Variants in XYLT1 observed in about 807,000 individuals in gnomAD.
XYLT1 encodes the protein xylosyltransferase 1.
In XYLT1, 36 loss-of-function variants were observed where a neutral mutation model predicts 91.3. That is an observed-to-expected ratio of 0.39 (90% CI 0.30 to 0.52). The LOEUF (loss-of-function observed/expected upper bound fraction) is 0.52. XYLT1 is among the 20% of genes least tolerant of loss of function. The probability of loss-of-function intolerance (pLI) is 0.68; values close to 1 mark genes in which losing one functional copy is unlikely to be tolerated. For synonymous variants in XYLT1, 588 were observed against 532.0 expected (o/e 1.11, Z -1.45); for missense variants, 1,242 against 1,284.5 (o/e 0.97, Z 0.51).
chr16:17,139,225 G>A (rs2030887296), intron 7 of XYLT1, among the ~76,000 whole-genome samples: 1 of 152,202 alleles, frequency 6.6e-6, no homozygotes, highest in Admixed American at 6.5e-5. Context: ...ACAGTCCCAG[G>A]CAAATATATT....
intron 1 of XYLT1, among the ~76,000 whole-genome samples, chr16:17,435,337 A>T (rs1020101803): frequency 3.3e-5 from 5 of 152,180 alleles, no homozygotes; most frequent in African/African-American, 1.2e-4. Flanking sequence ...ACATAAAGCT[A>T]AAGGAAAGCC....
At chr16:17,287,351 G>T (rs1261689183) in intron 2 of XYLT1, among the ~76,000 whole-genome samples, 1 of 152,012 alleles carries the variant, frequency 6.6e-6, no homozygotes, top group Non-Finnish European at 1.5e-5. Flanking sequence ...AACGTAGACG[G>T]ATCCCTCTAG....
chr16:17,215,596 AT>A (rs1215352441), intron 3 of XYLT1, among the ~76,000 whole-genome samples: 7 of 152,054 alleles, frequency 4.6e-5, no homozygotes, highest in Non-Finnish European at 7.4e-5. Context: ...GTCTATGGTA[AT>A]TTTTTTTAAA....
chr16:17,123,214 C>A (rs756714653), intron 10 of XYLT1, among the ~76,000 whole-genome samples: 5 of 152,076 alleles, frequency 3.3e-5, no homozygotes, highest in African/African-American at 4.8e-5. Context: ...ATGAGCATGA[C>A]ATTTGCTTGT....
intron 1 of XYLT1, among the ~76,000 whole-genome samples, chr16:17,463,452 C>G (rs906197920): frequency 2.0e-5 from 3 of 152,058 alleles, no homozygotes; most frequent in African/African-American, 7.2e-5. Context: ...TACGAATGGC[C>G]AATGGATATA....
At chr16:17,325,188 A>C (rs935567287) in intron 2 of XYLT1, among the ~76,000 whole-genome samples, 5 of 152,146 alleles carry the variant, frequency 3.3e-5, no homozygotes, top group Admixed American at 2.0e-4. Flanking sequence ...GCCTGAGGTC[A>C]GGAGTTCGAG....
At chr16:17,160,370 C>G (rs1266982042) in intron 5 of XYLT1, among the ~76,000 whole-genome samples, 1 of 152,194 alleles carries the variant, frequency 6.6e-6, no homozygotes, top group Non-Finnish European at 1.5e-5. Context: ...CTGCTCACCC[C>G]CTCCTTCATT....
chr16:17,262,566 T>C (rs1270448632), intron 2 of XYLT1, among the ~76,000 whole-genome samples: 2 of 152,330 alleles, frequency 1.3e-5, no homozygotes, highest in East Asian at 1.9e-4. Context: ...TGAAAAATCA[T>C]TTCTGTTCCA....
chr16:17,220,877 C>T (rs944688496), intron 3 of XYLT1, among the ~76,000 whole-genome samples: 24 of 152,156 alleles, frequency 1.6e-4, no homozygotes, highest in Non-Finnish European at 2.4e-4. Flanking sequence ...GCAGAAAGTG[C>T]GCCTTTGCTT....
chr16:17,124,018 G>A (rs1258869426), intron 10 of XYLT1, among the ~76,000 whole-genome samples: 1 of 152,134 alleles, frequency 6.6e-6, no homozygotes, highest in Non-Finnish European at 1.5e-5. Flanking sequence ...TTAAGTTCAT[G>A]TGAGTCCTCA....
intron 3 of XYLT1, among the ~76,000 whole-genome samples, chr16:17,242,716 C>G (rs1434552174): frequency 3.9e-5 from 6 of 152,218 alleles, no homozygotes; most frequent in Non-Finnish European, 7.3e-5. Flanking sequence ...ATCTCCACAA[C>G]TTTTTCATTT....
intron 8 of XYLT1, among the ~76,000 whole-genome samples, chr16:17,138,083 T>C (rs2030817116): frequency 6.6e-6 from 1 of 152,200 alleles, no homozygotes; most frequent in African/African-American, 2.4e-5. Context: ...TTAACCTTTC[T>C]GTGCCTCACA....
At chr16:17,133,021 A>C (rs2030556102) in intron 9 of XYLT1, among the ~76,000 whole-genome samples, 1 of 152,250 alleles carries the variant, frequency 6.6e-6, no homozygotes, top group East Asian at 1.9e-4. Flanking sequence ...AGGAAACCGA[A>C]GCTCAGAGAG....
intron 1 of XYLT1, among the ~76,000 whole-genome samples, chr16:17,395,151 G>C (rs115341578): frequency 0.02 from 2,984 of 152,234 alleles, 95 homozygotes; most frequent in African/African-American, 0.067. Flanking sequence ...AGAGTGAAGG[G>C]GGAACTGCCA....
chr16:17,117,773 G>C lies in XYLT1; in HGVS notation c.2430C>G (p.Pro810=). The C allele has an allele frequency of 6.2e-7, 1 of 1,614,186 alleles. No homozygotes were observed. Among genetic ancestry groups the C allele is most frequent in the South Asian group, 1.1e-5 (1 of 91,086 alleles). Residue 810 remains proline, a synonymous_variant, in exon 11 of 12, where the codon CCC becomes CCG. Coordinates refer to ENST00000261381, the MANE Select transcript of XYLT1 (RefSeq NM_022166.4). ...CAGGCCTCAGGGGCAAGTTCAAAGGGGGCTTGTAGTGTGTGAATTCGGCAG... is the reference window on the plus strand; with the variant it reads ...CAGGCCTCAGGGGCAAGTTCAAAGGCGGCTTGTAGTGTGTGAATTCGGCAG... ...ESTAEFTHYK[P]PLNLPLRPGV...
chr16:17,431,969 T>C (rs1369223997), intron 1 of XYLT1, among the ~76,000 whole-genome samples: 1 of 152,134 alleles, frequency 6.6e-6, no homozygotes, highest in Non-Finnish European at 1.5e-5. Flanking sequence ...GCTTTTCCTG[T>C]GTGTTATCAA....
intron 1 of XYLT1, among the ~76,000 whole-genome samples, chr16:17,366,665 A>G (rs956576427): frequency 6.6e-6 from 1 of 152,218 alleles, no homozygotes; most frequent in African/African-American, 2.4e-5. Context: ...ACTGCACTCC[A>G]GCCTGGGTGA....
intron 5 of XYLT1, among the ~76,000 whole-genome samples, chr16:17,195,928 T>C (rs1344076002): frequency 6.6e-6 from 1 of 152,220 alleles, no homozygotes; most frequent in East Asian, 1.9e-4. Flanking sequence ...TCAGTAAATG[T>C]TTGTTGAACA....
At chr16:17,219,818 C>T (rs1262597941) in intron 3 of XYLT1, among the ~76,000 whole-genome samples, 2 of 152,052 alleles carry the variant, frequency 1.3e-5, no homozygotes, top group Non-Finnish European at 2.9e-5. Context: ...CATTTGAGGT[C>T]AGGAGTTCGA....
Sources: allele counts gnomAD v4.1 joint callset (sites outside exome capture counted in the v4.1 genomes callset), GRCh38; gene constraint gnomAD v4.1.1; transcripts MANE v1.5; gene names NCBI Gene and HGNC (gene_info 2026-07-23, HGNC 2026-07-21).